ARHGEF12: variants seen among roughly 807,000 people sequenced by gnomAD.
ARHGEF12 encodes the protein Rho guanine nucleotide exchange factor 12.
In ARHGEF12, 66 loss-of-function variants were observed where a neutral mutation model predicts 211.2. The observed-to-expected ratio is 0.31, with a 90% CI of 0.26 to 0.38. The LOEUF (loss-of-function observed/expected upper bound fraction) is 0.38, where lower values mean the gene tolerates loss of function less well. Among genes scored for constraint, ARHGEF12 ranks in the 10% least tolerant of loss-of-function variants. ARHGEF12 has a pLI of 1.00. For missense variants in ARHGEF12, 1,429 were observed against 1,869.5 expected (o/e 0.76, Z 4.34); for synonymous variants, 592 against 638.4 (o/e 0.93, Z 1.09).
chr11:120,465,498 G>T, intron 28 of ARHGEF12, 136 bp downstream of exon 28: 1 of 1,131,104 alleles, frequency 8.8e-7, no homozygotes, highest in Non-Finnish European at 1.2e-6. Context: ...ACAGGGTCTC[G>T]CTGTGTTGCC....
intron 10 of ARHGEF12, among the ~76,000 whole-genome samples, chr11:120,431,022 G>T (rs1945511203): frequency 6.6e-6 from 1 of 152,106 alleles, no homozygotes; most frequent in Non-Finnish European, 1.5e-5. Flanking sequence ...AGGCGCAGTG[G>T]CTCACACCTG....
intron 4 of ARHGEF12, among the ~76,000 whole-genome samples, chr11:120,414,052 AG>A (rs1436494631): frequency 6.6e-6 from 1 of 152,224 alleles, no homozygotes; most frequent in Non-Finnish European, 1.5e-5. Flanking sequence ...TTGAGTAAGA[AG>A]GAAGCAGTCT....
chr11:120,441,857 GT>G, intron 14 of ARHGEF12, 40 bp downstream of exon 14: 1 of 1,558,644 alleles, frequency 6.4e-7, no homozygotes, highest in Non-Finnish European at 8.8e-7. Context: ...GAGTTCTTCT[GT>G]TGATTCATGT....
At chr11:120,345,720 A>G in intron 1 of ARHGEF12, among the ~76,000 whole-genome samples, 1 of 151,326 alleles carries the variant, frequency 6.6e-6, no homozygotes, top group East Asian at 1.9e-4. Flanking sequence ...AAAAAAAAAA[A>G]ACGAAATGGC....
At chr11:120,419,410 TTC>T (rs1180340642) in intron 4 of ARHGEF12, among the ~76,000 whole-genome samples, 1 of 151,864 alleles carries the variant, frequency 6.6e-6, no homozygotes, top group Non-Finnish European at 1.5e-5. Context: ...TTCTTTTTCT[TTC>T]TTTCTTCCTT....
At chr11:120,481,646 A>G in intron 39 of ARHGEF12, 70 bp downstream of exon 39, 17 of 1,450,178 alleles carry the variant, frequency 1.2e-5, no homozygotes, top group Non-Finnish European at 1.5e-5. Flanking sequence ...GAATAGGGTG[A>G]TGAAAATGCT....
chr11:120,467,424 C>T, intron 29 of ARHGEF12, 116 bp downstream of exon 29: 2 of 374,364 alleles, frequency 5.3e-6, no homozygotes, highest in Non-Finnish European at 9.4e-6. Flanking sequence ...AATAGTATGA[C>T]AAGATTTTCT....
At chr11:120,388,858 T>A (rs182890962) in intron 1 of ARHGEF12, among the ~76,000 whole-genome samples, 28 of 152,242 alleles carry the variant, frequency 1.8e-4, no homozygotes, top group African/African-American at 6.5e-4. Context: ...GCTTTTATTT[T>A]TTTTTTATTT....
At chr11:120,414,113 T>A (rs1204745951) in intron 4 of ARHGEF12, among the ~76,000 whole-genome samples, 1 of 152,210 alleles carries the variant, frequency 6.6e-6, no homozygotes, top group Non-Finnish European at 1.5e-5. Flanking sequence ...AAAATATGTC[T>A]TTTGTTATGA....
At chr11:120,480,967 G>A (rs1351614586) in intron 38 of ARHGEF12, among the ~76,000 whole-genome samples, 1 of 152,198 alleles carries the variant, frequency 6.6e-6, no homozygotes, top group Admixed American at 6.5e-5. Flanking sequence ...AATGGCAGGA[G>A]ATGGGGCAAG....
At position 120,487,738 on chromosome 11, in the gene ARHGEF12, C is replaced by G. The variant is rs969822821; in HGVS notation, c.*2661C>G. The G allele has an allele frequency of 4.5e-6, 1 of 222,040 alleles. No individual in the cohort carries two copies. The highest frequency in any genetic ancestry group is 9.0e-6 in the Non-Finnish European group (1 of 110,960). 13.8% of individuals were successfully genotyped at this position (222,040 alleles called of 1,614,324 possible). The stretch of plus-strand genomic sequence containing the variant: ...GGAAGTGACCTGCTGTGACACTGTG[C>G]TCTCTTCTGTGGGCTTAATGGTTCC... On this transcript the variant is annotated 3_prime_UTR_variant, in exon 41 of 41. Coordinates refer to ENST00000397843, the MANE Select transcript of ARHGEF12 (RefSeq NM_015313.3).
intron 1 of ARHGEF12, among the ~76,000 whole-genome samples, chr11:120,382,906 G>A (rs1249744681): frequency 2.0e-5 from 3 of 152,180 alleles, no homozygotes; most frequent in African/African-American, 4.8e-5. Context: ...TTTGGGGGCC[G>A]AGGTGGGCAG....
At chr11:120,385,432 A>G (rs559633560) in intron 1 of ARHGEF12, 2 of 985,390 alleles carry the variant, frequency 2.0e-6, no homozygotes, top group South Asian at 9.4e-5. Flanking sequence ...CTTCTACTCC[A>G]TGGAAACGAG....
chr11:120,384,819 C>T (rs931769527), intron 1 of ARHGEF12, among the ~76,000 whole-genome samples: 1 of 152,024 alleles, frequency 6.6e-6, no homozygotes, highest in Non-Finnish European at 1.5e-5. Context: ...TGTTTCTCCT[C>T]TACTCCCACC....
chr11:120,435,811 C>T (rs1349242316), intron 11 of ARHGEF12, among the ~76,000 whole-genome samples: 11 of 152,204 alleles, frequency 7.2e-5, no homozygotes, highest in African/African-American at 1.9e-4. Context: ...CCACCACTCC[C>T]GGCCCCCAAG....
At chr11:120,476,784 T>G (rs561193093) in intron 34 of ARHGEF12, 36 bp downstream of exon 34, 1 of 1,471,842 alleles carries the variant, frequency 6.8e-7, no homozygotes, top group South Asian at 1.2e-5. Context: ...CTATAGCTAA[T>G]ATTTTCATTA....
intron 4 of ARHGEF12, chr11:120,410,966 C>T (rs1944865135): frequency 2.0e-5 from 3 of 152,130 alleles, no homozygotes; most frequent in African/African-American, 7.2e-5. Flanking sequence ...TCGTCTTCCT[C>T]TCCATTTTCC....
At chr11:120,366,449 A>C (rs983650458) in intron 1 of ARHGEF12, among the ~76,000 whole-genome samples, 9 of 152,020 alleles carry the variant, frequency 5.9e-5, no homozygotes, top group African/African-American at 9.7e-5. Flanking sequence ...TGAGCCACCA[A>C]CCCTGCCCTT....
In ARHGEF12 at chr11:120,485,105, G is replaced by A. The variant is rs778750432; in HGVS notation, c.*28G>A. On this transcript the variant is annotated 3_prime_UTR_variant, in exon 41 of 41. Transcript: ENST00000397843. ...CCGCATGTCCTGGAGGTGACTGCAG[G>A]TTGTTGGATTTGGAGTATCGGCCGT... The A allele has an allele frequency of 2.0e-5, 33 of 1,613,250 alleles. No individual in the cohort carries two copies. Among genetic ancestry groups the A allele is most frequent in the Non-Finnish European group, 1.5e-5 (18 of 1,179,696 alleles).
Sources: allele counts gnomAD v4.1 joint callset (sites outside exome capture counted in the v4.1 genomes callset), GRCh38; gene constraint gnomAD v4.1.1; transcripts MANE v1.5; gene names NCBI Gene and HGNC (gene_info 2026-07-23, HGNC 2026-07-21).